Variants in QTMAN observed in about 807,000 individuals in gnomAD.
QTMAN encodes tRNA-queuosine alpha-mannosyltransferase.
the QTMAN span, among the ~76,000 whole-genome samples, chr2:144,120,522 T>C: frequency 6.6e-6 from 1 of 152,256 alleles, no homozygotes; most frequent in Non-Finnish European, 1.5e-5. Context: ...AATTATATGA[T>C]GGACATCTGC....
the QTMAN span, among the ~76,000 whole-genome samples, chr2:144,148,027 C>CT: frequency 4.6e-5 from 7 of 151,726 alleles, no homozygotes; most frequent in Admixed American, 4.6e-4. Context: ...GTATATGATC[C>CT]TTTAGTGGAC....
chr2:144,040,258 T>C, the QTMAN span, among the ~76,000 whole-genome samples: 1 of 152,152 alleles, frequency 6.6e-6, no homozygotes, highest in Non-Finnish European at 1.5e-5. Flanking sequence ...ATAAGATCTC[T>C]ACCACGCTTA....
the QTMAN span, among the ~76,000 whole-genome samples, chr2:144,296,309 A>G: frequency 6.6e-6 from 1 of 152,264 alleles, no homozygotes; most frequent in Non-Finnish European, 1.5e-5. Context: ...GTGATTAATA[A>G]TTATTCACTT....
the QTMAN span, among the ~76,000 whole-genome samples, chr2:144,256,693 C>T: frequency 6.6e-6 from 1 of 151,792 alleles, no homozygotes; most frequent in South Asian, 2.1e-4. Context: ...CACACAGGGG[C>T]CCATCGGCGG....
the QTMAN span, among the ~76,000 whole-genome samples, chr2:144,200,970 CT>C: frequency 6.6e-6 from 1 of 152,136 alleles, no homozygotes; most frequent in African/African-American, 2.4e-5. Context: ...ACTCTAATAA[CT>C]CATTCCTTCG....
chr2:144,104,826 T>A, the QTMAN span, among the ~76,000 whole-genome samples: 4 of 152,220 alleles, frequency 2.6e-5, no homozygotes, highest in South Asian at 2.1e-4. Flanking sequence ...GGGTCCCTGA[T>A]CCCCGAGTAG....
At chr2:144,167,145 T>C in the QTMAN span, among the ~76,000 whole-genome samples, 2 of 152,228 alleles carry the variant, frequency 1.3e-5, no homozygotes, top group African/African-American at 4.8e-5. Context: ...GCCTGTGACA[T>C]AGATGTTTGA....
At chr2:144,221,719 C>T in the QTMAN span, among the ~76,000 whole-genome samples, 9 of 152,190 alleles carry the variant, frequency 5.9e-5, no homozygotes, top group Non-Finnish European at 1.3e-4. Flanking sequence ...GTCCTCCCTT[C>T]CAGGAGCTTG....
chr2:144,298,077 G>A, the QTMAN span, among the ~76,000 whole-genome samples: 1 of 150,256 alleles, frequency 6.7e-6, no homozygotes, highest in Non-Finnish European at 1.5e-5. Context: ...GGAGTGCAAT[G>A]GCGCGATCTC....
chr2:144,208,710 C>G, the QTMAN span: 2 of 1,613,780 alleles, frequency 1.2e-6, no homozygotes, highest in South Asian at 1.1e-5. Context: ...AGTCTCCTAA[C>G]TCTTCTTGAA....
chr2:144,079,032 A>T, the QTMAN span, among the ~76,000 whole-genome samples: 1 of 152,276 alleles, frequency 6.6e-6, no homozygotes, highest in East Asian at 1.9e-4. Flanking sequence ...TCTTTTAAAC[A>T]CAGCTCTACC....
At chr2:144,164,613 G>A in the QTMAN span, among the ~76,000 whole-genome samples, 6 of 151,998 alleles carry the variant, frequency 3.9e-5, no homozygotes, top group Admixed American at 6.5e-5. Flanking sequence ...AGATCTTTAC[G>A]CAATAACCAT....
At chr2:144,305,108 G>A in the QTMAN span, among the ~76,000 whole-genome samples, 4 of 151,944 alleles carry the variant, frequency 2.6e-5, no homozygotes, top group South Asian at 2.1e-4. Context: ...TAATTTTGAT[G>A]AAGTCCAACA....
At chr2:144,126,259 TTTCACAG>T in the QTMAN span, among the ~76,000 whole-genome samples, 2 of 151,756 alleles carry the variant, frequency 1.3e-5, no homozygotes, top group South Asian at 2.1e-4. Flanking sequence ...TCAACCTTGG[TTTCACAG>T]TAGAATAACT....
chr2:144,257,165 AAACT>A, the QTMAN span, among the ~76,000 whole-genome samples: 1 of 151,942 alleles, frequency 6.6e-6, no homozygotes, highest in East Asian at 1.9e-4. Flanking sequence ...CACAAACCAC[AAACT>A]ATTTTTAAAA....
At chr2:144,030,806 G>C in the QTMAN span, among the ~76,000 whole-genome samples, 1 of 152,222 alleles carries the variant, frequency 6.6e-6, no homozygotes, top group African/African-American at 2.4e-5. Context: ...TGATTACAGG[G>C]GCACTACAAA....
the QTMAN span, among the ~76,000 whole-genome samples, chr2:144,187,950 A>G: frequency 4.6e-5 from 7 of 152,242 alleles, no homozygotes; most frequent in African/African-American, 1.4e-4. Context: ...GAGGAAGGTC[A>G]TGTGACAACA....
the QTMAN span, among the ~76,000 whole-genome samples, chr2:144,304,958 T>C: frequency 2.6e-3 from 402 of 152,318 alleles, no homozygotes; most frequent in African/African-American, 9.2e-3. Context: ...ATTGTCTTGA[T>C]TATTGAATTG....
chr2:144,086,247 G>A, the QTMAN span, among the ~76,000 whole-genome samples: 137 of 152,182 alleles, frequency 9.0e-4, 1 homozygote, highest in Non-Finnish European at 3.1e-4. Context: ...GAGTAGGAAT[G>A]ACAGGGTGAG....
Sources: gnomAD v4.1 joint callset for allele counts (sites outside exome capture counted in the v4.1 genomes callset) on GRCh38, gnomAD v4.1.1 for gene constraint, MANE v1.5 for transcripts, NCBI Gene and HGNC (gene_info 2026-07-23, HGNC 2026-07-21) for gene names.